LSAMP: variants seen among roughly 807,000 people sequenced by gnomAD.
The protein encoded by LSAMP is limbic system associated membrane protein.
A neutral mutation model predicts 38.6 loss-of-function variants in LSAMP; 7 were observed. The observed-to-expected ratio is 0.18, with a 90% confidence interval of 0.10 to 0.34. LSAMP has a LOEUF of 0.34. LSAMP is among the 10% of genes least tolerant of loss of function. The pLI, the probability that LSAMP is intolerant of heterozygous loss-of-function variation, is 1.00. For missense variants in LSAMP, 313 were observed against 420.0 expected (o/e 0.75, Z 2.23); for synonymous variants, 154 against 166.8 (o/e 0.92, Z 0.59).
chr3:116,029,171 G>A (rs1324652038), intron 2 of LSAMP, among the ~76,000 whole-genome samples: 3 of 152,128 alleles, frequency 2.0e-5, no homozygotes, highest in African/African-American at 7.2e-5. Flanking sequence ...ATTTGTGGCT[G>A]TCATTGGAGT....
chr3:116,155,320 G>T (rs1041645770), intron 1 of LSAMP, among the ~76,000 whole-genome samples: 3 of 152,028 alleles, frequency 2.0e-5, no homozygotes, highest in Admixed American at 1.3e-4. Context: ...CACCTCCTGG[G>T]TTCAAGTAAT....
chr3:116,149,706 G>C (rs1194042357), intron 1 of LSAMP, among the ~76,000 whole-genome samples: 3 of 151,930 alleles, frequency 2.0e-5, no homozygotes, highest in African/African-American at 7.2e-5. Flanking sequence ...TCATTTATCT[G>C]AATATGTACT....
chr3:115,988,316 T>C (rs1353325897), intron 3 of LSAMP, among the ~76,000 whole-genome samples: 1 of 152,182 alleles, frequency 6.6e-6, no homozygotes, highest in Non-Finnish European at 1.5e-5. Flanking sequence ...TTTGATTTCA[T>C]GTGCACACAG....
intron 3 of LSAMP, among the ~76,000 whole-genome samples, chr3:115,860,643 C>A (rs939209064): frequency 6.6e-6 from 1 of 152,122 alleles, no homozygotes; most frequent in Non-Finnish European, 1.5e-5. Flanking sequence ...AAAAATTTAG[C>A]CTCTTAACCA....
chr3:116,160,672 A>G (rs530347250), intron 1 of LSAMP, among the ~76,000 whole-genome samples: 1 of 151,940 alleles, frequency 6.6e-6, no homozygotes, highest in East Asian at 1.9e-4. Flanking sequence ...TAAAATTGAA[A>G]ATAAAATAAA....
chr3:116,249,345 A>G (rs749207432), intron 1 of LSAMP, among the ~76,000 whole-genome samples: 3 of 151,890 alleles, frequency 2.0e-5, no homozygotes, highest in Non-Finnish European at 4.4e-5. Flanking sequence ...TTATCCTGGA[A>G]GCTAGTAGTT....
At chr3:116,216,095 T>C (rs1306511789) in intron 1 of LSAMP, among the ~76,000 whole-genome samples, 2 of 152,224 alleles carry the variant, frequency 1.3e-5, no homozygotes, top group African/African-American at 4.8e-5. Flanking sequence ...TAGTTTCCAG[T>C]GTGATTCATG....
At position 116,133,576 on chromosome 3, in the gene LSAMP, G is replaced by A. The variant is rs532333630; in HGVS notation, c.156-47020C>T. Among the ~76,000 whole-genome samples the A allele has an allele frequency of 1.2e-4, 18 of 152,192 alleles. No homozygotes were observed. In the East Asian group the frequency reaches 3.5e-3, roughly 29 times the overall value. On this transcript the variant is annotated intron_variant, in intron 1 of 6. Transcript: ENST00000490035. ...GATCCTCCTGCCTTGGCATTTCAAA[G>A]TTCTGAGATTACAGGCATTAGCCAC...
chr3:115,988,301 T>C (rs1320147257), intron 3 of LSAMP, among the ~76,000 whole-genome samples: 1 of 152,178 alleles, frequency 6.6e-6, no homozygotes, highest in Non-Finnish European at 1.5e-5. Flanking sequence ...TTACATAGTG[T>C]TTAATTTGAT....
intron 1 of LSAMP, among the ~76,000 whole-genome samples, chr3:116,347,923 T>C (rs2048085504): frequency 6.6e-6 from 1 of 151,944 alleles, no homozygotes. Context: ...CTACTGCCCA[T>C]CACTTAGCCA....
chr3:116,004,639 T>C (rs1052267564), intron 3 of LSAMP, among the ~76,000 whole-genome samples: 3 of 151,588 alleles, frequency 2.0e-5, no homozygotes, highest in Admixed American at 1.3e-4. Context: ...TACATAAGCA[T>C]GTATATACAT....
chr3:116,297,717 T>C (rs1368383573), intron 1 of LSAMP, among the ~76,000 whole-genome samples: 1 of 152,176 alleles, frequency 6.6e-6, no homozygotes, highest in African/African-American at 2.4e-5. Context: ...ACTAAAAAAT[T>C]GATAAAAGTC....
intron 1 of LSAMP, among the ~76,000 whole-genome samples, chr3:116,293,537 G>A (rs765065366): frequency 3.9e-5 from 6 of 152,200 alleles, no homozygotes; most frequent in South Asian, 2.1e-4. Context: ...GAATTTAGTC[G>A]CAGACAGTTC....
At chr3:116,231,496 G>T (rs967615571) in intron 1 of LSAMP, among the ~76,000 whole-genome samples, 3 of 152,194 alleles carry the variant, frequency 2.0e-5, no homozygotes, top group African/African-American at 7.2e-5. Context: ...CAATAAACAT[G>T]TGCTTAATGG....
rs116351219 is a variant in LSAMP, at chr3:116,325,753, A to C, written c.155+119124T>G. ...AGTAACATCATTTGCCTCTGAGCTG[A>C]AGGTGTGAAAAAACTGAGTGTAGAG... On this transcript the variant is annotated intron_variant, in intron 1 of 6. Transcript: ENST00000490035. 4.5e-3 allele frequency among the ~76,000 whole-genome samples: 690 copies of C among 152,254 alleles called. 8 individuals carry two copies. The highest frequency in any genetic ancestry group is 0.016 in the African/African-American group (651 of 41,546).
chr3:116,271,233 C>CT (rs1436649844), intron 1 of LSAMP, among the ~76,000 whole-genome samples: 2 of 151,916 alleles, frequency 1.3e-5, no homozygotes, highest in East Asian at 1.9e-4. Flanking sequence ...TACTGTAATA[C>CT]TTTTTTCAAT....
At chr3:115,955,897 G>T (rs78022836) in intron 3 of LSAMP, among the ~76,000 whole-genome samples, 2,892 of 152,232 alleles carry the variant, frequency 0.019, 85 homozygotes, top group African/African-American at 0.065. Flanking sequence ...GATGAAAGGA[G>T]TGAAGTCCTA....
At chr3:116,122,542 A>T (rs1332122958) in intron 1 of LSAMP, among the ~76,000 whole-genome samples, 1 of 151,198 alleles carries the variant, frequency 6.6e-6, no homozygotes, top group Admixed American at 6.6e-5. Flanking sequence ...GTACTTTTTA[A>T]TATGTTTTTC....
intron 1 of LSAMP, among the ~76,000 whole-genome samples, chr3:116,090,944 A>T (rs1708108431): frequency 1.3e-5 from 2 of 152,238 alleles, no homozygotes; most frequent in Admixed American, 1.3e-4. Context: ...CATTGATAAC[A>T]TCTTATCAGG....
Sources: gnomAD v4.1 joint callset for allele counts (sites outside exome capture counted in the v4.1 genomes callset) on GRCh38, gnomAD v4.1.1 for gene constraint, MANE v1.5 for transcripts, NCBI Gene and HGNC (gene_info 2026-07-23, HGNC 2026-07-21) for gene names.